MPRIP: variants seen among roughly 807,000 people sequenced by gnomAD.
MPRIP encodes the protein myosin phosphatase Rho-interacting protein.
MPRIP carries 59 observed loss-of-function variants against 234.9 expected under a neutral mutation model. That is an observed-to-expected ratio of 0.25 (90% CI 0.20 to 0.31). MPRIP has a LOEUF of 0.31. MPRIP is among the 10% of genes least tolerant of loss of function. MPRIP has a pLI of 1.00. For missense variants in MPRIP, 2,436 were observed against 3,071.0 expected (o/e 0.79, Z 4.89); for synonymous variants, 1,144 against 1,263.9 (o/e 0.91, Z 2.01).
intron 3 of MPRIP, among the ~76,000 whole-genome samples, chr17:17,080,146 TA>T (rs2089429471): frequency 1.3e-5 from 2 of 152,314 alleles, no homozygotes; most frequent in Non-Finnish European, 2.9e-5. Flanking sequence ...AGCCCATCAG[TA>T]AATACTGCTT....
rs1208672781 is a variant in MPRIP at position 17,131,829 on chromosome 17, C to T, written c.504+128C>T. ...GGCTGAGGCAGTCACCAACTCTGCA[C>T]ATCCTTGCTTTGGGCTGCAATCTGC... is the stretch of plus-strand genomic sequence containing the variant. On this transcript the variant is annotated intron_variant, in intron 5 of 23. Transcript: ENST00000651222. 2.3e-5 allele frequency: 18 copies of T among 790,242 alleles called. 1 individual carries two copies. In the South Asian group the frequency reaches 2.8e-4, roughly 12 times the overall value. 49.0% of individuals were successfully genotyped at this position (790,242 alleles called of 1,614,324 possible). A position where few individuals can be genotyped will look rare whatever the true frequency, so the allele number is the denominator to read the frequency against.
At position 17,158,939 on chromosome 17, in the gene MPRIP, G is replaced by A. The variant is rs776035509; in HGVS notation, c.2337G>A (p.Leu779=). ...EKQVPIAPVH[L]SSEDGGDRLS... is the part of the protein sequence containing the mutation. ...AGGTGCCCATCGCCCCCGTCCACCT[G>A]TCTTCTGAAGATGGGGGTGACCGGC... is the stretch of plus-strand genomic sequence containing the variant. The change falls in exon 14 of 24, where the codon CTG becomes CTA. Residue 779 remains leucine, a synonymous_variant. Transcript: ENST00000651222. 4 of 1,612,882 alleles carry A rather than the reference G, an allele frequency of 2.5e-6. No homozygotes were observed. The Admixed American group carries it at 5.0e-5, about 20-fold the overall frequency.
chr17:17,115,596 G>T (rs1192117767), intron 3 of MPRIP, among the ~76,000 whole-genome samples: 1 of 152,128 alleles, frequency 6.6e-6, no homozygotes, highest in African/African-American at 2.4e-5. Context: ...TATTCACGTG[G>T]TTATACAACC....
In MPRIP at chr17:17,187,259, T is replaced by C. The variant is rs934731699; in HGVS notation, c.*2365T>C. 1 of 152,284 alleles carries C rather than the reference T, an allele frequency of 6.6e-6. No individual in the cohort carries two copies. Among genetic ancestry groups the C allele is most frequent in the Admixed American group, 6.5e-5 (1 of 15,296 alleles). 9.4% of individuals were successfully genotyped at this position (152,284 alleles called of 1,614,324 possible). ...CTGGACTTCAGGAATCCTGGAAAAT[T>C]AATATGAGTGCAGCATGTGAGGGGT... On this transcript the variant is annotated 3_prime_UTR_variant, in exon 24 of 24. Transcript: ENST00000651222.
rs2046448429 is a variant in MPRIP at position 17,185,017 on chromosome 17, A to C, written c.*123A>C. The C allele has an allele frequency of 4.5e-6, 3 of 659,748 alleles. No homozygotes were observed. The highest frequency in any genetic ancestry group is 3.6e-5 in the African/African-American group (2 of 54,804). The allele number at this position is 659,748 out of a possible 1,614,324, so 40.9% of individuals were successfully genotyped here. ...TATTATTGCTGTTGTTGTCATCGTT[A>C]ACTGTGGGCATGGAATGCGTGAGGC... On this transcript the variant is annotated 3_prime_UTR_variant, in exon 24 of 24. Transcript: ENST00000651222.
chr17:17,187,512 G>T lies in MPRIP; in HGVS notation c.*2618G>T, dbSNP rs2046499375. On this transcript the variant is annotated 3_prime_UTR_variant, in exon 24 of 24. Coordinates refer to ENST00000651222, the MANE Select transcript of MPRIP (RefSeq NM_001364716.4). ...CTGCTGGTGGGCTCCATCCTGCGAT[G>T]GAGTGAACCAGGCGAGAAAGGATGA... 1 of 152,224 alleles carries T rather than the reference G, an allele frequency of 6.6e-6. No homozygotes were observed. Among genetic ancestry groups the T allele is most frequent in the Non-Finnish European group, 1.5e-5 (1 of 68,050 alleles). 9.4% of individuals were successfully genotyped at this position (152,224 alleles called of 1,614,324 possible).
intron 1 of MPRIP, among the ~76,000 whole-genome samples, chr17:17,070,308 G>T (rs1003932013): frequency 6.6e-6 from 1 of 152,088 alleles, no homozygotes; most frequent in South Asian, 2.1e-4. Flanking sequence ...TGCCACTTTT[G>T]CCAAATTTGG....
rs534513706 is a variant in MPRIP at position 17,081,044 on chromosome 17, T to A, written c.267+2968T>A. On this transcript the variant is annotated intron_variant, in intron 3 of 23. Transcript: ENST00000651222. ...TGCAAAGCAATCCCTACCTGGGCAT[T>A]TGTCTCCAAAAGCAGCAGCTCTAAG... Among the ~76,000 whole-genome samples the A allele has an allele frequency of 2.0e-5, 3 of 152,310 alleles. No homozygotes were observed. The East Asian group carries it at 5.8e-4, about 29-fold the overall frequency.
At position 17,147,370 on chromosome 17, in the gene MPRIP, G is replaced by C; in HGVS notation, c.1612G>C (p.Asp538His). 8 of 1,614,190 alleles carry C rather than the reference G, an allele frequency of 5.0e-6. No individual in the cohort carries two copies. The highest frequency in any genetic ancestry group is 5.9e-6 in the Non-Finnish European group (7 of 1,180,022). The change falls in exon 11 of 24, where the codon GAT (aspartate) becomes CAT (histidine). Residue 538 changes from aspartate to histidine, a missense_variant. Asp to His is a moderately conservative substitution (Grantham distance 81). Around this residue, in one of 4 missense-constraint regions of MPRIP, gnomAD observed 1,998 missense variants for 2,520.3 expected, o/e 0.79. Transcript: ENST00000651222. ...CGATCAAAGCCTGAGATACTACAGGGATTCAGTGGCTGAGGAGGTGAGTGT... is the reference window on the plus strand; with the variant it reads ...CGATCAAAGCCTGAGATACTACAGGCATTCAGTGGCTGAGGAGGTGAGTGT... Reference protein sequence around the residue: ...LADQSLRYYRDSVAEEAADLD... With the variant: ...LADQSLRYYRHSVAEEAADLD...
chr17:17,147,176 T>C (rs1175141180), intron 10 of MPRIP, 143 bp from the exon 11 acceptor site: 2 of 741,318 alleles, frequency 2.7e-6, no homozygotes, highest in East Asian at 2.6e-5. Context: ...CTCTGTATGC[T>C]GTCAAGGGAG....
chr17:17,109,775 A>G (rs1157696785), intron 3 of MPRIP, among the ~76,000 whole-genome samples: 1 of 152,172 alleles, frequency 6.6e-6, no homozygotes, highest in Non-Finnish European at 1.5e-5. Flanking sequence ...GGCGGGAAAT[A>G]TACCCTAAAG....
intron 1 of MPRIP, among the ~76,000 whole-genome samples, chr17:17,054,295 GGA>G: frequency 6.6e-6 from 1 of 152,332 alleles, no homozygotes; most frequent in East Asian, 1.9e-4. Flanking sequence ...TCAAAAACAA[GGA>G]CAAAAGCGGT....
At chr17:17,056,996 C>G (rs1199794335) in intron 1 of MPRIP, among the ~76,000 whole-genome samples, 1 of 152,212 alleles carries the variant, frequency 6.6e-6, no homozygotes, top group African/African-American at 2.4e-5. Flanking sequence ...ATTGCTTCAC[C>G]CTTTTGGCCG....
chr17:17,128,142 T>C (rs1182018226), intron 4 of MPRIP, among the ~76,000 whole-genome samples: 1 of 152,214 alleles, frequency 6.6e-6, no homozygotes, highest in East Asian at 1.9e-4. Context: ...CCTTCTGCAC[T>C]TTCTGGCTCA....
chr17:17,087,321 T>G (rs1247054140), intron 3 of MPRIP, among the ~76,000 whole-genome samples: 2 of 152,186 alleles, frequency 1.3e-5, no homozygotes, highest in African/African-American at 4.8e-5. Context: ...GGAGTTGCCC[T>G]TCAGGGAAGG....
At chr17:17,045,388 A>G (rs1383180861) in intron 1 of MPRIP, among the ~76,000 whole-genome samples, 1 of 152,176 alleles carries the variant, frequency 6.6e-6, no homozygotes, top group African/African-American at 2.4e-5. Flanking sequence ...CAGGGACTGT[A>G]TTATGGCATC....
At chr17:17,114,680 C>T (rs2090246946) in intron 3 of MPRIP, among the ~76,000 whole-genome samples, 1 of 148,550 alleles carries the variant, frequency 6.7e-6, no homozygotes, top group Admixed American at 6.7e-5. Context: ...AGTTCCCATG[C>T]CTCTCCTACC....
chr17:17,146,893 T>A (rs1008305255), intron 10 of MPRIP, among the ~76,000 whole-genome samples: 1 of 152,252 alleles, frequency 6.6e-6, no homozygotes, highest in African/African-American at 2.4e-5. Flanking sequence ...CCCTGCTGGT[T>A]AGGAGGCCAC....
At chr17:17,086,057 TA>T (rs1454227039) in intron 3 of MPRIP, among the ~76,000 whole-genome samples, 4 of 152,232 alleles carry the variant, frequency 2.6e-5, no homozygotes, top group Non-Finnish European at 5.9e-5. Context: ...TCCAAATGAA[TA>T]AATTTATTTT....
Sources: gnomAD v4.1 joint callset for allele counts (sites outside exome capture counted in the v4.1 genomes callset) on GRCh38, gnomAD v4.1.1 for gene constraint, gnomAD v4.1.1 regional missense constraint, MANE v1.5 for transcripts, NCBI Gene and HGNC (gene_info 2026-07-23, HGNC 2026-07-21) for gene names.